DPP10: variants seen among roughly 807,000 people sequenced by gnomAD.
DPP10 encodes inactive dipeptidyl peptidase 10.
DPP10 carries 33 observed loss-of-function variants against 120.9 expected under a neutral mutation model. The observed-to-expected ratio is 0.27, with a 90% CI of 0.21 to 0.37. The LOEUF (loss-of-function observed/expected upper bound fraction) is 0.37. Ranked by LOEUF, DPP10 falls within the 10% of genes least tolerant of loss-of-function variation. The pLI, the probability that DPP10 is intolerant of heterozygous loss-of-function variation, is 1.00. For missense variants in DPP10, 816 were observed against 942.8 expected (o/e 0.87, Z 1.76); for synonymous variants, 337 against 326.1 (o/e 1.03, Z -0.36).
chr2:114,732,388 G>A (rs1348421466), intron 1 of DPP10, among the ~76,000 whole-genome samples: 1 of 152,178 alleles, frequency 6.6e-6, no homozygotes, highest in Non-Finnish European at 1.5e-5. Flanking sequence ...TCTGGCAGGT[G>A]CTAAACTCCA....
Position 115,048,110 on chromosome 2 carries a change from T to A in DPP10, c.61-261129T>A, listed in dbSNP as rs1318146747. ...AAGCATGTTTTATGCTTTTGGATTG[T>A]CCATTATATTGGATACAGTGCCACG... On this transcript the variant is annotated intron_variant, in intron 1 of 25. Coordinates refer to ENST00000410059, the MANE Select transcript of DPP10 (RefSeq NM_020868.6). Among the ~76,000 whole-genome samples the A allele has an allele frequency of 2.0e-5, 3 of 152,280 alleles. No homozygotes were observed. In the East Asian group the frequency reaches 5.8e-4, roughly 29 times the overall value.
chr2:115,115,188 T>C lies in DPP10; in HGVS notation c.61-194051T>C, dbSNP rs141631876. ...GTTTCTTCATCATTTTGCCAAGAGC[T>C]CTTGTCCTCCAACCTAACTGTGTCC... is the stretch of plus-strand genomic sequence containing the variant. On this transcript the variant is annotated intron_variant, in intron 1 of 25. Transcript: ENST00000410059. Among the ~76,000 whole-genome samples the C allele has an allele frequency of 3.9e-4, 60 of 152,224 alleles. 1 individual carries two copies. Among genetic ancestry groups the C allele is most frequent in the Non-Finnish European group, 6.6e-4 (45 of 68,014 alleles).
chr2:114,615,192 G>T (rs1165716616), intron 1 of DPP10, among the ~76,000 whole-genome samples: 2 of 152,034 alleles, frequency 1.3e-5, no homozygotes, highest in African/African-American at 2.4e-5. Flanking sequence ...TCTAAGTAAA[G>T]AATAAACTTG....
chr2:115,438,407 A>G (rs1204534180), intron 3 of DPP10, among the ~76,000 whole-genome samples: 2 of 152,160 alleles, frequency 1.3e-5, no homozygotes, highest in African/African-American at 4.8e-5. Flanking sequence ...ATGGAAAACA[A>G]AGACTTGTAC....
chr2:115,789,316 G>T (rs1575780682), intron 17 of DPP10, among the ~76,000 whole-genome samples: 1 of 152,138 alleles, frequency 6.6e-6, no homozygotes, highest in Admixed American at 6.5e-5. Context: ...TTTACCCAAA[G>T]ATTCTGTGTT....
Position 115,114,335 on chromosome 2 carries a change from A to C in DPP10, c.61-194904A>C, listed in dbSNP as rs186498734. Among the ~76,000 whole-genome samples, 5 of 152,342 alleles carry C rather than the reference A, an allele frequency of 3.3e-5. No homozygotes were observed. In the East Asian group the frequency reaches 7.7e-4, roughly 23 times the overall value. ...ACATATTTATTCTGACTTTGAAAAG[A>C]CATAGAAAAAGAGAAAGTATATGAG... On this transcript the variant is annotated intron_variant, in intron 1 of 25. Transcript: ENST00000410059.
At chr2:115,635,074 G>A (rs1353782741) in intron 5 of DPP10, among the ~76,000 whole-genome samples, 3 of 151,352 alleles carry the variant, frequency 2.0e-5, no homozygotes. Flanking sequence ...CATTGCAGGG[G>A]AAAGATGGCA....
chr2:115,265,804 C>T (rs1402955471), intron 1 of DPP10, among the ~76,000 whole-genome samples: 1 of 151,970 alleles, frequency 6.6e-6, no homozygotes, highest in Non-Finnish European at 1.5e-5. Context: ...AGGGGCCAGG[C>T]GCGGTGGCTC....
chr2:114,800,938 TAA>T (rs55970532), intron 1 of DPP10, among the ~76,000 whole-genome samples: 1,685 of 148,592 alleles, frequency 0.011, 36 homozygotes, highest in African/African-American at 0.035. Context: ...AAATGGGAAT[TAA>T]AAAAAAAAAA....
intron 1 of DPP10, among the ~76,000 whole-genome samples, chr2:115,254,459 T>TC (rs1296330938): frequency 1.3e-5 from 2 of 152,130 alleles, no homozygotes; most frequent in Non-Finnish European, 2.9e-5. Flanking sequence ...ACCATATTAT[T>TC]CCACCCCTGG....
chr2:114,785,135 C>G (rs1043384610), intron 1 of DPP10, among the ~76,000 whole-genome samples: 1 of 152,194 alleles, frequency 6.6e-6, no homozygotes, highest in Admixed American at 6.5e-5. Flanking sequence ...TTTACCCACA[C>G]CTCATCCCTC....
intron 1 of DPP10, among the ~76,000 whole-genome samples, chr2:115,028,790 T>A (rs1703645712): frequency 6.6e-6 from 1 of 152,094 alleles, no homozygotes; most frequent in Admixed American, 6.6e-5. Flanking sequence ...TCTGAATTGA[T>A]CCCTTTATCT....
At chr2:114,838,349 C>A (rs1339970214) in intron 1 of DPP10, among the ~76,000 whole-genome samples, 1 of 151,996 alleles carries the variant, frequency 6.6e-6, no homozygotes, top group Non-Finnish European at 1.5e-5. Flanking sequence ...ATAGAGTCTT[C>A]CTCTGTCACC....
chr2:115,643,059 G>A (rs2086915176), intron 5 of DPP10, among the ~76,000 whole-genome samples: 2 of 151,798 alleles, frequency 1.3e-5, no homozygotes, highest in Admixed American at 1.3e-4. Context: ...TATTTAACAT[G>A]CATTAAAGGA....
intron 1 of DPP10, among the ~76,000 whole-genome samples, chr2:114,882,453 C>T (rs1220587435): frequency 6.7e-6 from 1 of 150,360 alleles, no homozygotes; most frequent in Non-Finnish European, 1.5e-5. Context: ...GGGAGCTAAG[C>T]TATGGGGATG....
intron 7 of DPP10, among the ~76,000 whole-genome samples, chr2:115,715,693 G>A (rs139088666): frequency 3.3e-4 from 50 of 152,264 alleles, no homozygotes; most frequent in African/African-American, 1.2e-3. Context: ...TAATCATCAC[G>A]TCTCCGTGCA....
At chr2:114,503,702 A>G (rs1278112367) in intron 1 of DPP10, among the ~76,000 whole-genome samples, 1 of 152,216 alleles carries the variant, frequency 6.6e-6, no homozygotes, top group Non-Finnish European at 1.5e-5. Flanking sequence ...ACTGTCACAT[A>G]GAAACATGAA....
intron 1 of DPP10, among the ~76,000 whole-genome samples, chr2:114,602,679 C>CT (rs981464960): frequency 1.3e-5 from 2 of 151,972 alleles, no homozygotes; most frequent in African/African-American, 4.8e-5. Flanking sequence ...GCAACTTTCA[C>CT]TTTTACACAC....
chr2:114,905,490 T>C (rs1693891142), intron 1 of DPP10, among the ~76,000 whole-genome samples: 2 of 152,230 alleles, frequency 1.3e-5, no homozygotes, highest in South Asian at 4.1e-4. Context: ...TTTTAACTTT[T>C]ATTTTAAATT....
Sources: allele counts gnomAD v4.1 joint callset (sites outside exome capture counted in the v4.1 genomes callset), GRCh38; gene constraint gnomAD v4.1.1; transcripts MANE v1.5; gene names NCBI Gene and HGNC (gene_info 2026-07-23, HGNC 2026-07-21).